MROH9: variants seen among roughly 807,000 people sequenced by gnomAD.
MROH9 encodes the protein maestro heat-like repeat-containing protein family member 9.
Under a neutral mutation model 98.2 loss-of-function variants are expected in MROH9, and 92 were observed. The observed-to-expected ratio is 0.94, with a 90% confidence interval of 0.79 to 1.11. The LOEUF is 1.11. Among genes scored for constraint, MROH9 ranks in the 50% most tolerant of loss-of-function variants. The pLI, the probability that MROH9 is intolerant of heterozygous loss-of-function variation, is 0.00. For synonymous variants in MROH9, 397 were observed against 368.9 expected, an observed-to-expected ratio of 1.08 and a Z score of -0.87; for missense variants, 1,057 against 1,014.8, an observed-to-expected ratio of 1.04 and a Z score of -0.57.
At chr1:171,029,262 G>T (rs530447124) in intron 20 of MROH9, among the ~76,000 whole-genome samples, 2 of 151,974 alleles carry the variant, frequency 1.3e-5, no homozygotes, top group African/African-American at 4.8e-5. Flanking sequence ...CCAGGCTGGA[G>T]TGCAGTGGCA....
In MROH9 at chr1:171,024,523, GGAT is replaced by G; in HGVS notation, c.2044_2046del (p.Asp682del). On this transcript the variant is annotated inframe_deletion, in exon 18 of 22. Coordinates refer to ENST00000367759, the MANE Select transcript of MROH9 (RefSeq NM_001163629.2). ...TGGTGCCCCTAATCCTATTTTTGGA[GGAT>G]GATGATAAAAGAGTAGCTGAAGTAA... is the stretch of plus-strand genomic sequence containing the variant. 1 of 1,535,794 alleles carries G rather than the reference GGAT, an allele frequency of 6.5e-7. No individual in the cohort carries two copies. Among genetic ancestry groups the G allele is most frequent in the Non-Finnish European group, 8.8e-7 (1 of 1,141,120 alleles).
chr1:170,964,663 T>G (rs1650161942), intron 6 of MROH9, among the ~76,000 whole-genome samples: 1 of 152,040 alleles, frequency 6.6e-6, no homozygotes, highest in African/African-American at 2.4e-5. Context: ...CTGCCTCCGG[T>G]AATGTACTCT....
chr1:171,013,901 A>G (rs1315938056), intron 15 of MROH9, among the ~76,000 whole-genome samples: 1 of 151,896 alleles, frequency 6.6e-6, no homozygotes, highest in African/African-American at 2.4e-5. Flanking sequence ...ACACACACAC[A>G]CACACACACA....
chr1:171,038,790 G>A (rs1653193702), intron 20 of MROH9, among the ~76,000 whole-genome samples: 1 of 152,158 alleles, frequency 6.6e-6, no homozygotes, highest in Non-Finnish European at 1.5e-5. Context: ...GACACCATTA[G>A]TTCAAGAGAT....
rs779763417 is a variant in MROH9, at chr1:170,947,511, CCTT to C, written c.26-12_26-10del. 6.2e-7 allele frequency: 1 copy of C among 1,608,374 alleles called. No homozygotes were observed. Among genetic ancestry groups the C allele is most frequent in the Non-Finnish European group, 8.5e-7 (1 of 1,175,962 alleles). On this transcript the variant is annotated splice_polypyrimidine_tract_variant and intron_variant, in intron 2 of 21. Transcript: ENST00000367759. Reference sequence around the variant, plus strand: ...ATGTTCATTCCTTTTTAACGAATCTCCTTCTTTCTGGCTAGAGAGTAGTCTCCA... The same window carrying C: ...ATGTTCATTCCTTTTTAACGAATCTCCTTTCTGGCTAGAGAGTAGTCTCCA...
chr1:170,965,080 GAAGAA>G (rs1421286284), intron 6 of MROH9, 66 bp from the exon 7 acceptor site: 1 of 1,043,036 alleles, frequency 9.6e-7, no homozygotes, highest in Non-Finnish European at 1.4e-6. Flanking sequence ...TGGTGAAGTT[GAAGAA>G]TAGAGGAAAG....
chr1:170,953,942 T>C (rs1478316641), intron 3 of MROH9, among the ~76,000 whole-genome samples: 2 of 151,690 alleles, frequency 1.3e-5, no homozygotes, highest in African/African-American at 4.8e-5. Flanking sequence ...CATCACCAAT[T>C]ATTATTTCAG....
At chr1:171,025,249 C>A in intron 19 of MROH9, 69 bp from the exon 20 acceptor site, 1 of 982,450 alleles carries the variant, frequency 1.0e-6, no homozygotes, top group Non-Finnish European at 1.6e-6. Context: ...ATGTTGAAGC[C>A]TTTCTGGAGG....
chr1:171,064,021 G>A (rs917318261), intron 21 of MROH9, 78 bp from the exon 22 acceptor site: 27 of 1,381,612 alleles, frequency 2.0e-5, no homozygotes, highest in Non-Finnish European at 2.2e-5. Flanking sequence ...GTGAAAGGTG[G>A]CAGGGCTGTT....
At chr1:170,976,220 C>T (rs564131299) in intron 8 of MROH9, among the ~76,000 whole-genome samples, 48 of 152,204 alleles carry the variant, frequency 3.2e-4, no homozygotes, top group African/African-American at 1.1e-3. Context: ...CAGACTTGTT[C>T]GTGTGATTGC....
At chr1:171,059,456 T>A (rs996732198) in intron 20 of MROH9, among the ~76,000 whole-genome samples, 10 of 152,282 alleles carry the variant, frequency 6.6e-5, no homozygotes, top group African/African-American at 2.4e-4. Context: ...GTAGATTAGT[T>A]CAACCATTGT....
At chr1:170,959,382 A>G in intron 4 of MROH9, 80 bp from the exon 5 acceptor site, 1 of 1,295,304 alleles carries the variant, frequency 7.7e-7, no homozygotes, top group Non-Finnish European at 1.0e-6. Context: ...CTCAAAATAA[A>G]TAAATAAATA....
At chr1:171,009,115 G>T (rs958639313) in intron 15 of MROH9, among the ~76,000 whole-genome samples, 3 of 151,590 alleles carry the variant, frequency 2.0e-5, no homozygotes. Flanking sequence ...TAAAGAAACT[G>T]GTTACTTTAA....
chr1:170,942,866 G>C (rs950522015), intron 1 of MROH9, among the ~76,000 whole-genome samples: 2 of 152,096 alleles, frequency 1.3e-5, no homozygotes, highest in African/African-American at 4.8e-5. Context: ...CAAACAAGCT[G>C]CTATTGCTTG....
At chr1:170,992,743 G>C (rs1651406275) in intron 12 of MROH9, among the ~76,000 whole-genome samples, 2 of 152,160 alleles carry the variant, frequency 1.3e-5, no homozygotes, top group South Asian at 4.1e-4. Context: ...GAAGGGAAAA[G>C]TCTCGTATTG....
intron 1 of MROH9, among the ~76,000 whole-genome samples, chr1:170,939,941 G>A (rs1649056876): frequency 1.3e-5 from 2 of 152,188 alleles, no homozygotes; most frequent in African/African-American, 4.8e-5. Context: ...TGCCACTGAT[G>A]CATCAAGCAC....
chr1:171,048,327 T>C (rs952792169), intron 20 of MROH9, among the ~76,000 whole-genome samples: 3 of 152,136 alleles, frequency 2.0e-5, no homozygotes, highest in Non-Finnish European at 2.9e-5. Flanking sequence ...TGGTGTTCCA[T>C]TGTATTGCAG....
At chr1:170,982,057 C>T (rs1023088089) in intron 8 of MROH9, among the ~76,000 whole-genome samples, 2 of 152,094 alleles carry the variant, frequency 1.3e-5, no homozygotes, top group Non-Finnish European at 2.9e-5. Context: ...AAACATATAG[C>T]TATCATATGA....
Position 171,035,595 on chromosome 1 carries a change from C to T in MROH9, c.2281+10175C>T, listed in dbSNP as rs569804710. Among the ~76,000 whole-genome samples, 14 of 151,926 alleles carry T rather than the reference C, an allele frequency of 9.2e-5. No homozygotes were observed. The South Asian group carries it at 1.2e-3, about 14-fold the overall frequency. ...TTCATGTAAATTTATAAGAAAAAAA[C>T]CACCTAATAGAAAAATGAGTAATAA... On this transcript the variant is annotated intron_variant, in intron 20 of 21. Coordinates refer to ENST00000367759, the MANE Select transcript of MROH9 (RefSeq NM_001163629.2).
Sources: gnomAD v4.1 joint callset for allele counts (sites outside exome capture counted in the v4.1 genomes callset) on GRCh38, gnomAD v4.1.1 for gene constraint, MANE v1.5 for transcripts, NCBI Gene and HGNC (gene_info 2026-07-23, HGNC 2026-07-21) for gene names.